Variants in SMYD3 observed in about 807,000 individuals in gnomAD.
The protein encoded by SMYD3 is SET and MYND domain containing 3.
SMYD3 carries 36 observed loss-of-function variants against 57.7 expected under a neutral mutation model. The ratio of observed to expected loss-of-function variants is 0.62; its 90% confidence interval spans 0.48 to 0.82. The LOEUF is 0.82. Among genes scored for constraint, SMYD3 ranks in the 40% least tolerant of loss-of-function variants. The probability of loss-of-function intolerance (pLI) is 0.00; values close to 1 mark genes in which losing one functional copy is unlikely to be tolerated. For missense variants in SMYD3, 515 were observed against 538.8 expected, an observed-to-expected ratio of 0.96 and a Z score of 0.44; for synonymous variants, 211 against 195.0, an observed-to-expected ratio of 1.08 and a Z score of -0.68.
intron 1 of SMYD3, among the ~76,000 whole-genome samples, chr1:246,498,374 AGT>A (rs1412939428): frequency 6.6e-6 from 1 of 152,214 alleles, no homozygotes; most frequent in Non-Finnish European, 1.5e-5. Flanking sequence ...ATGAACTGAT[AGT>A]AGAGTGATTT....
intron 5 of SMYD3, among the ~76,000 whole-genome samples, chr1:246,247,905 A>G (rs1005089358): frequency 5.9e-5 from 9 of 152,208 alleles, no homozygotes; most frequent in Admixed American, 1.3e-4. Context: ...AGCGGTTATG[A>G]GCAAACGCTA....
intron 5 of SMYD3, among the ~76,000 whole-genome samples, chr1:246,217,649 T>C (rs1326593719): frequency 7.2e-5 from 11 of 152,230 alleles, no homozygotes; most frequent in Admixed American, 5.9e-4. Flanking sequence ...AAAGTAAATA[T>C]GTTTAAGATG....
At chr1:245,940,565 A>AAAAC (rs2057194413) in intron 5 of SMYD3, among the ~76,000 whole-genome samples, 1 of 149,122 alleles carries the variant, frequency 6.7e-6, no homozygotes, top group Non-Finnish European at 1.5e-5. Context: ...TGACTGTTAA[A>AAAAC]AAAACAAAAC....
chr1:246,436,230 A>G (rs757370444), intron 1 of SMYD3, among the ~76,000 whole-genome samples: 15 of 152,056 alleles, frequency 9.9e-5, no homozygotes, highest in Non-Finnish European at 2.2e-4. Context: ...GAAAGTTGAA[A>G]AAGAACCTAA....
intron 5 of SMYD3, among the ~76,000 whole-genome samples, chr1:246,286,858 T>C (rs2064576733): frequency 6.6e-6 from 1 of 151,434 alleles, no homozygotes; most frequent in Non-Finnish European, 1.5e-5. Flanking sequence ...CCTCAAGATA[T>C]AATAAAAAAA....
At chr1:246,333,207 C>T (rs914389313) in intron 3 of SMYD3, among the ~76,000 whole-genome samples, 2 of 152,184 alleles carry the variant, frequency 1.3e-5, no homozygotes, top group African/African-American at 4.8e-5. Flanking sequence ...TTCAGAAGAA[C>T]TTGGTTCCAA....
At chr1:246,029,532 C>G (rs572927150) in intron 5 of SMYD3, among the ~76,000 whole-genome samples, 4 of 151,704 alleles carry the variant, frequency 2.6e-5, no homozygotes, top group Non-Finnish European at 5.9e-5. Context: ...ATTAGCCAGG[C>G]GTGGTGACAC....
intron 5 of SMYD3, chr1:246,035,347 C>T (rs866916850): frequency 6.6e-6 from 1 of 152,098 alleles, no homozygotes; most frequent in South Asian, 2.1e-4. Context: ...CTAGGATGTT[C>T]CCTGTAGTTG....
In SMYD3 at chr1:245,921,549, G is replaced by GTATATATATATA. The variant is rs143521072; in HGVS notation, c.703-5921_703-5910dup. Among the ~76,000 whole-genome samples, 16 of 141,394 alleles carry GTATATATATATA rather than the reference G, an allele frequency of 1.1e-4. 1 individual carries two copies. The East Asian group carries it at 1.7e-3, about 15-fold the overall frequency. The allele number at this position is 141,394 out of a possible 152,430, so 92.8% of individuals were successfully genotyped here. Reference sequence around the variant, plus strand: ...TCAACAGTGAGCTAAAAAATGTGGTGTATATATATATATATATATATACAC... The same window carrying GTATATATATATA: ...TCAACAGTGAGCTAAAAAATGTGGTGTATATATATATATATATATATATATATATATATACAC... On this transcript the variant is annotated intron_variant, in intron 7 of 11. Transcript: ENST00000490107.
intron 8 of SMYD3, among the ~76,000 whole-genome samples, chr1:245,878,006 A>G (rs2052579091): frequency 6.6e-6 from 1 of 152,064 alleles, no homozygotes; most frequent in Non-Finnish European, 1.5e-5. Context: ...ACGAAAGGAG[A>G]GTGTTCCCAG....
rs564200785 is a variant in SMYD3 at position 246,394,822 on chromosome 1, C to T, written c.165-39728G>A. On this transcript the variant is annotated intron_variant, in intron 1 of 11. Transcript: ENST00000490107. ...TGCTTTATGAGATAAGAGAGCCTCC[C>T]GAACTCAGCTACTCTTTATTATATG... Among the ~76,000 whole-genome samples, 11 of 151,136 alleles carry T rather than the reference C, an allele frequency of 7.3e-5. No individual in the cohort carries two copies. In the South Asian group the frequency reaches 1.5e-3, roughly 20 times the overall value.
intron 5 of SMYD3, among the ~76,000 whole-genome samples, chr1:246,037,114 A>G (rs1156861821): frequency 6.6e-6 from 1 of 152,180 alleles, no homozygotes; most frequent in African/African-American, 2.4e-5. Context: ...AACCTTACAC[A>G]TAGGTCATTT....
At chr1:246,258,716 T>C (rs2063943455) in intron 5 of SMYD3, among the ~76,000 whole-genome samples, 1 of 152,224 alleles carries the variant, frequency 6.6e-6, no homozygotes, top group South Asian at 2.1e-4. Flanking sequence ...TCATTTTGTA[T>C]AGTATCTCAC....
chr1:246,250,005 A>C lies in SMYD3; in HGVS notation c.531+77196T>G, dbSNP rs575266922. On this transcript the variant is annotated intron_variant, in intron 5 of 11. Coordinates refer to ENST00000490107, the MANE Select transcript of SMYD3 (RefSeq NM_001167740.2). ...GACACAATTATAGAGCACATTAATA[A>C]CTGCAGGCACCTGCAGAATAAATTC... is the stretch of plus-strand genomic sequence containing the variant. Among the ~76,000 whole-genome samples the C allele has an allele frequency of 2.0e-5, 3 of 152,318 alleles. No individual in the cohort carries two copies. The South Asian group carries it at 6.2e-4, about 32-fold the overall frequency.
At chr1:246,306,663 T>G (rs1159831253) in intron 5 of SMYD3, among the ~76,000 whole-genome samples, 1 of 152,216 alleles carries the variant, frequency 6.6e-6, no homozygotes, top group Non-Finnish European at 1.5e-5. Context: ...ACTTTTAAGG[T>G]GTAATATTGT....
rs1037980166 is a variant in SMYD3 at position 246,203,233 on chromosome 1, A to G, written c.531+123968T>C. On this transcript the variant is annotated intron_variant, in intron 5 of 11. Coordinates refer to ENST00000490107, the MANE Select transcript of SMYD3 (RefSeq NM_001167740.2). The surrounding 1 kb of genome is among the most constrained non-coding windows in gnomAD (Gnocchi z 4.6). The stretch of plus-strand genomic sequence containing the variant: ...GACCCCAGGGCTTTGTTTCCCTCTC[A>G]CTGGTCCTTCAGTGAAATTAATTCA... 4.6e-5 allele frequency among the ~76,000 whole-genome samples: 7 copies of G among 152,132 alleles called. No homozygotes were observed. Among genetic ancestry groups the G allele is most frequent in the African/African-American group, 1.7e-4 (7 of 41,434 alleles).
intron 5 of SMYD3, among the ~76,000 whole-genome samples, chr1:246,291,140 G>C (rs568652327): frequency 2.0e-5 from 3 of 152,146 alleles, no homozygotes; most frequent in Non-Finnish European, 4.4e-5. Context: ...ATGACTAGAT[G>C]GTCAAGACAA....
chr1:246,349,411 C>T (rs771520527), intron 2 of SMYD3, among the ~76,000 whole-genome samples: 2 of 151,910 alleles, frequency 1.3e-5, no homozygotes, highest in Non-Finnish European at 2.9e-5. Context: ...TCGAGACCAG[C>T]CTGGGCAACA....
intron 10 of SMYD3, among the ~76,000 whole-genome samples, chr1:245,831,085 G>A (rs1032615957): frequency 6.6e-6 from 1 of 152,142 alleles, no homozygotes; most frequent in African/African-American, 2.4e-5. Flanking sequence ...AACAGCATTT[G>A]GACTTCAGAA....
Sources: allele counts gnomAD v4.1 joint callset (sites outside exome capture counted in the v4.1 genomes callset), GRCh38; gene constraint gnomAD v4.1.1; non-coding constraint Gnocchi (gnomAD v3.1); transcripts MANE v1.5; gene names NCBI Gene and HGNC (gene_info 2026-07-23, HGNC 2026-07-21).